SORCS2: variants seen among roughly 807,000 people sequenced by gnomAD.
SORCS2 encodes the protein sortilin related VPS10 domain containing receptor 2.
Under a neutral mutation model 141.6 loss-of-function variants are expected in SORCS2, and 100 were observed. The observed-to-expected ratio is 0.71, with a 90% CI of 0.60 to 0.83. The LOEUF (loss-of-function observed/expected upper bound fraction) is 0.83, where lower values mean the gene tolerates loss of function less well. Among genes scored for constraint, SORCS2 ranks in the 40% least tolerant of loss-of-function variants. The pLI, the probability that SORCS2 is intolerant of heterozygous loss-of-function variation, is 0.00. For missense variants in SORCS2, 1,646 were observed against 1,560.2 expected (o/e 1.05, Z -0.93); for synonymous variants, 789 against 676.9 (o/e 1.17, Z -2.57).
intron 1 of SORCS2, among the ~76,000 whole-genome samples, chr4:7,262,239 G>A (rs536393383): frequency 3.3e-5 from 4 of 120,652 alleles, no homozygotes; most frequent in South Asian, 3.0e-4. Context: ...CACATCCATC[G>A]ATTCATCCAT....
At chr4:7,593,389 CA>C (rs1420598977) in intron 3 of SORCS2, among the ~76,000 whole-genome samples, 1 of 152,188 alleles carries the variant, frequency 6.6e-6, no homozygotes, top group Non-Finnish European at 1.5e-5. Context: ...GGTACTGTTG[CA>C]GTCTTCATTG....
chr4:7,499,851 G>T (rs1731853440), intron 2 of SORCS2, among the ~76,000 whole-genome samples: 1 of 152,198 alleles, frequency 6.6e-6, no homozygotes, highest in East Asian at 1.9e-4. Context: ...GGCACAGGTG[G>T]GTGGACCCCC....
intron 1 of SORCS2, among the ~76,000 whole-genome samples, chr4:7,263,080 G>A (rs1205208675): frequency 6.6e-6 from 1 of 152,148 alleles, no homozygotes; most frequent in African/African-American, 2.4e-5. Context: ...AGAGACCTGC[G>A]ATTAAATCTG....
intron 1 of SORCS2, among the ~76,000 whole-genome samples, chr4:7,308,948 C>G (rs1457211902): frequency 1.3e-5 from 2 of 152,200 alleles, no homozygotes; most frequent in African/African-American, 4.8e-5. Flanking sequence ...CTCTCTGGCC[C>G]TCTCCTACTG....
At chr4:7,403,979 ATATATATATATATATATATTTTT>A (rs1157588101) in intron 2 of SORCS2, among the ~76,000 whole-genome samples, 8 of 17,884 alleles carry the variant, frequency 4.5e-4, no homozygotes, top group African/African-American at 1.4e-3. Flanking sequence ...ATATATATAT[ATATATATATATATATATATTTTT>A]TTTTTTTTTT....
chr4:7,510,511 TG>T (rs1319504307), intron 2 of SORCS2, among the ~76,000 whole-genome samples: 1 of 152,244 alleles, frequency 6.6e-6, no homozygotes, highest in East Asian at 1.9e-4. Context: ...ACAGCGGCCA[TG>T]GGCAGTGCAG....
chr4:7,555,239 C>T (rs938875382), intron 3 of SORCS2, among the ~76,000 whole-genome samples: 1 of 152,260 alleles, frequency 6.6e-6, no homozygotes, highest in African/African-American at 2.4e-5. Context: ...ATTAAACTGT[C>T]TTGTTTTAAT....
intron 2 of SORCS2, among the ~76,000 whole-genome samples, chr4:7,442,841 A>G (rs977050311): frequency 5.3e-5 from 8 of 151,886 alleles, no homozygotes; most frequent in Admixed American, 4.6e-4. Context: ...GCCGAAAACA[A>G]CCGGAACTCC....
intron 2 of SORCS2, among the ~76,000 whole-genome samples, chr4:7,498,708 AG>A (rs1378361589): frequency 2.0e-5 from 3 of 152,346 alleles, no homozygotes; most frequent in African/African-American, 7.2e-5. Flanking sequence ...ACGTGGACCA[AG>A]GCTGATGCCT....
chr4:7,369,298 C>T (rs1308787255), intron 1 of SORCS2, among the ~76,000 whole-genome samples: 1 of 152,162 alleles, frequency 6.6e-6, no homozygotes, highest in Non-Finnish European at 1.5e-5. Context: ...GCAACAGAGC[C>T]AGACTCTGTC....
chr4:7,475,139 T>A (rs1009404398), intron 2 of SORCS2, among the ~76,000 whole-genome samples: 1 of 152,232 alleles, frequency 6.6e-6, no homozygotes, highest in African/African-American at 2.4e-5. Context: ...GGGCACCCGA[T>A]TCCACCAAAA....
chr4:7,654,116 CT>C lies in SORCS2; in HGVS notation c.814-12del. The C allele has an allele frequency of 6.4e-7, 1 of 1,561,870 alleles. No homozygotes were observed. Among genetic ancestry groups the C allele is most frequent in the East Asian group, 2.4e-5 (1 of 41,838 alleles). ...TGACGTCCTGACCAAGCTTTTGTTT[CT>C]TTTTTCTGCCCTAAAGCTCTACGTG... On this transcript the variant is annotated splice_polypyrimidine_tract_variant and intron_variant, in intron 4 of 26. Coordinates refer to ENST00000507866, the MANE Select transcript of SORCS2 (RefSeq NM_020777.3).
chr4:7,354,285 C>T (rs1330136931), intron 1 of SORCS2, among the ~76,000 whole-genome samples: 1 of 152,088 alleles, frequency 6.6e-6, no homozygotes, highest in Non-Finnish European at 1.5e-5. Context: ...TGACCTTGGA[C>T]GTATCCCCCC....
intron 1 of SORCS2, among the ~76,000 whole-genome samples, chr4:7,365,006 C>G (rs1478363816): frequency 6.6e-6 from 1 of 152,176 alleles, no homozygotes; most frequent in African/African-American, 2.4e-5. Context: ...TAAGGCTGGC[C>G]CCTGCCTCAT....
chr4:7,387,838 A>ACG (rs1207490582), intron 1 of SORCS2, among the ~76,000 whole-genome samples: 21 of 49,656 alleles, frequency 4.2e-4, no homozygotes, highest in East Asian at 3.3e-3. Flanking sequence ...ATGCACATAC[A>ACG]TACACATGCA....
intron 12 of SORCS2, among the ~76,000 whole-genome samples, 162 bp from the exon 13 acceptor site, chr4:7,703,118 C>G (rs997862342): frequency 2.0e-5 from 3 of 152,124 alleles, no homozygotes; most frequent in South Asian, 2.1e-4. Context: ...TGGGAAAGCT[C>G]GGGGATGGCC....
At chr4:7,425,359 G>A (rs1178783531) in intron 2 of SORCS2, among the ~76,000 whole-genome samples, 4 of 152,064 alleles carry the variant, frequency 2.6e-5, no homozygotes, top group African/African-American at 9.7e-5. Context: ...AGATGACCCC[G>A]ATAAAGGGCC....
chr4:7,611,140 A>G (rs17465361), intron 3 of SORCS2, among the ~76,000 whole-genome samples: 36,719 of 152,106 alleles, frequency 0.24, 5,082 homozygotes, highest in Middle Eastern at 0.33. Flanking sequence ...TGAAAAGCAA[A>G]AGCCCACATG....
intron 1 of SORCS2, among the ~76,000 whole-genome samples, chr4:7,295,430 C>G (rs1716979111): frequency 6.6e-6 from 1 of 151,990 alleles, no homozygotes; most frequent in African/African-American, 2.4e-5. Context: ...GGATGAAGAG[C>G]CCCTGGCTTG....
Sources: gnomAD v4.1 joint callset for allele counts (sites outside exome capture counted in the v4.1 genomes callset) on GRCh38, gnomAD v4.1.1 for gene constraint, MANE v1.5 for transcripts, NCBI Gene and HGNC (gene_info 2026-07-23, HGNC 2026-07-21) for gene names.